FGF12: variants seen among roughly 807,000 people sequenced by gnomAD.
FGF12 encodes the protein fibroblast growth factor 12.
In FGF12, 14 loss-of-function variants were observed where a neutral mutation model predicts 23.6. The ratio of observed to expected loss-of-function variants is 0.59; its 90% CI spans 0.39 to 0.93. The LOEUF (loss-of-function observed/expected upper bound fraction) is 0.93. Among genes scored for constraint, FGF12 ranks in the 40% least tolerant of loss-of-function variants. The pLI, the probability that FGF12 is intolerant of heterozygous loss-of-function variation, is 0.00. For synonymous variants in FGF12, 62 were observed against 77.3 expected (o/e 0.80, Z 1.04); for missense variants, 175 against 217.8 (o/e 0.80, Z 1.24).
chr3:192,323,674 A>T (rs1441199554), intron 4 of FGF12, among the ~76,000 whole-genome samples: 2 of 152,222 alleles, frequency 1.3e-5, no homozygotes, highest in Non-Finnish European at 2.9e-5. Context: ...GCTAATGTAC[A>T]TTTTAAATTA....
chr3:192,713,512 A>T lies in FGF12; in HGVS notation c.13+13669T>A, dbSNP rs554201014. 9.8e-5 allele frequency among the ~76,000 whole-genome samples: 15 copies of T among 152,342 alleles called. No homozygotes were observed. In the South Asian group the frequency reaches 3.1e-3, roughly 32 times the overall value. On this transcript the variant is annotated intron_variant, in intron 2 of 5. Coordinates refer to ENST00000445105, the MANE Select transcript of FGF12 (RefSeq NM_004113.6). ...GTTATGCATGAGAGATTGTTTTTATACTGCTTTTGCTCTAAAAGCATTTCT... is the reference window on the plus strand; with the variant it reads ...GTTATGCATGAGAGATTGTTTTTATTCTGCTTTTGCTCTAAAAGCATTTCT...
At chr3:192,333,661 A>G (rs1365282985) in intron 4 of FGF12, among the ~76,000 whole-genome samples, 1 of 152,166 alleles carries the variant, frequency 6.6e-6, no homozygotes, top group Non-Finnish European at 1.5e-5. Context: ...TAATTGTAAT[A>G]CAAATGACAG....
intron 2 of FGF12, among the ~76,000 whole-genome samples, chr3:192,609,278 GA>G (rs1442771347): frequency 2.6e-5 from 4 of 152,042 alleles, no homozygotes; most frequent in Non-Finnish European, 5.9e-5. Flanking sequence ...ATACAACACA[GA>G]TTTTCCTGAA....
intron 2 of FGF12, among the ~76,000 whole-genome samples, chr3:192,707,661 G>A (rs1036409795): frequency 4.3e-5 from 6 of 139,102 alleles, no homozygotes; most frequent in East Asian, 4.6e-4. Context: ...CAGGAGAATC[G>A]CTTGAACTTG....
chr3:192,546,902 T>A (rs1725509461), intron 2 of FGF12, among the ~76,000 whole-genome samples: 1 of 151,996 alleles, frequency 6.6e-6, no homozygotes, highest in South Asian at 2.1e-4. Flanking sequence ...AATACAAAAA[T>A]TAGCCTGGCA....
chr3:192,399,102 C>T (rs1720650303), intron 2 of FGF12, among the ~76,000 whole-genome samples: 1 of 151,136 alleles, frequency 6.6e-6, no homozygotes, highest in South Asian at 2.1e-4. Flanking sequence ...TCATTAAACA[C>T]AGGAAAGATT....
chr3:192,263,391 G>A (rs1034304959), intron 4 of FGF12, among the ~76,000 whole-genome samples: 1 of 151,932 alleles, frequency 6.6e-6, no homozygotes, highest in Non-Finnish European at 1.5e-5. Context: ...TCCCATCCCA[G>A]AACTACAGAA....
chr3:192,511,528 T>G (rs1724478371), intron 2 of FGF12, among the ~76,000 whole-genome samples: 1 of 152,194 alleles, frequency 6.6e-6, no homozygotes, highest in South Asian at 2.1e-4. Context: ...TCTGTGAGTC[T>G]TTTTCTTTGT....
intron 4 of FGF12, among the ~76,000 whole-genome samples, chr3:192,318,322 CA>C (rs1184338821): frequency 1.3e-5 from 2 of 151,954 alleles, no homozygotes; most frequent in African/African-American, 4.8e-5. Flanking sequence ...GGAAGGTCAA[CA>C]AAATTCAAGA....
At chr3:192,381,001 T>G (rs1234502876) in intron 2 of FGF12, among the ~76,000 whole-genome samples, 1 of 150,546 alleles carries the variant, frequency 6.6e-6, no homozygotes, top group Non-Finnish European at 1.5e-5. Context: ...TATCCCAAAT[T>G]AGTAGTGAAT....
intron 4 of FGF12, among the ~76,000 whole-genome samples, chr3:192,176,493 C>A (rs1460927): frequency 0.044 from 6,636 of 152,212 alleles, 192 homozygotes; most frequent in Admixed American, 0.059. Context: ...ATAAATGTAG[C>A]AATAATTTAA....
chr3:192,179,688 G>A (rs1487902684), intron 4 of FGF12, among the ~76,000 whole-genome samples: 2 of 151,848 alleles, frequency 1.3e-5, no homozygotes, highest in South Asian at 2.1e-4. Context: ...TTGGATTACA[G>A]GTGTGTGCCA....
intron 2 of FGF12, among the ~76,000 whole-genome samples, chr3:192,607,814 A>G (rs1225806042): frequency 1.3e-5 from 2 of 151,320 alleles, no homozygotes; most frequent in Non-Finnish European, 2.9e-5. Flanking sequence ...AGCAAATAAA[A>G]ATAGTTAACA....
intron 2 of FGF12, among the ~76,000 whole-genome samples, chr3:192,597,186 G>T (rs1713892299): frequency 6.6e-6 from 1 of 152,166 alleles, no homozygotes. Context: ...TATTGGAAGG[G>T]CAAAAGGATG....
At chr3:192,600,272 C>G (rs1271212263) in intron 2 of FGF12, among the ~76,000 whole-genome samples, 1 of 152,010 alleles carries the variant, frequency 6.6e-6, no homozygotes, top group South Asian at 2.1e-4. Context: ...ATAACAACAT[C>G]ATGCTATTTT....
intron 2 of FGF12, among the ~76,000 whole-genome samples, chr3:192,490,544 C>T (rs533259414): frequency 6.6e-6 from 1 of 151,828 alleles, no homozygotes; most frequent in East Asian, 1.9e-4. Flanking sequence ...CATTTATATA[C>T]ATATATACAC....
chr3:192,552,862 G>A (rs1325783468), intron 2 of FGF12, among the ~76,000 whole-genome samples: 2 of 152,088 alleles, frequency 1.3e-5, no homozygotes, highest in African/African-American at 2.4e-5. Flanking sequence ...CTGCACCCCA[G>A]CCTGGGTGAC....
At chr3:192,717,993 C>T (rs1718913929) in intron 2 of FGF12, among the ~76,000 whole-genome samples, 1 of 152,030 alleles carries the variant, frequency 6.6e-6, no homozygotes, top group Non-Finnish European at 1.5e-5. Flanking sequence ...CATTGGAAGA[C>T]ATAGTTATTG....
At chr3:192,597,584 T>C (rs761427559) in intron 2 of FGF12, among the ~76,000 whole-genome samples, 14 of 152,144 alleles carry the variant, frequency 9.2e-5, no homozygotes, top group Non-Finnish European at 2.1e-4. Context: ...GTAAGTGGCA[T>C]GAAAGGAAAT....
Sources: gnomAD v4.1 joint callset for allele counts (sites outside exome capture counted in the v4.1 genomes callset) on GRCh38, gnomAD v4.1.1 for gene constraint, MANE v1.5 for transcripts, NCBI Gene and HGNC (gene_info 2026-07-23, HGNC 2026-07-21) for gene names.